The following SAMD3 variants were observed in gnomAD, a reference collection of about 807,000 sequenced individuals.
The protein encoded by SAMD3 is sterile alpha motif domain-containing protein 3.
A neutral mutation model predicts 58.5 loss-of-function variants in SAMD3; 63 were observed. The ratio of observed to expected loss-of-function variants is 1.08; its 90% CI spans 0.88 to 1.33. SAMD3 has a LOEUF of 1.33. Among genes scored for constraint, SAMD3 ranks in the 40% most tolerant of loss-of-function variants. The pLI is 0.00. For missense variants in SAMD3, 604 were observed against 608.4 expected, an observed-to-expected ratio of 0.99 and a Z score of 0.08; for synonymous variants, 220 against 210.3, an observed-to-expected ratio of 1.05 and a Z score of -0.40.
chr6:130,159,980 A>T (rs1456310053), intron 8 of SAMD3: 3 of 152,172 alleles, frequency 2.0e-5, no homozygotes, highest in Admixed American at 2.0e-4. Context: ...GTGGCATTGC[A>T]TGGGGGTGGG....
intron 5 of SAMD3, among the ~76,000 whole-genome samples, chr6:130,196,012 A>G (rs4897375): frequency 0.77 from 116,229 of 151,858 alleles, 44,902 homozygotes; most frequent in African/African-American, 0.85. Context: ...GAGACTGCCC[A>G]CAACCGAGCT....
chr6:130,324,464 A>AG (rs1776690059), intron 1 of SAMD3, among the ~76,000 whole-genome samples: 1 of 152,228 alleles, frequency 6.6e-6, no homozygotes, highest in African/African-American at 2.4e-5. Flanking sequence ...TGTAATATTA[A>AG]GGCATAATTA....
At chr6:130,332,137 C>T (rs979463740) in intron 1 of SAMD3, among the ~76,000 whole-genome samples, 1 of 152,116 alleles carries the variant, frequency 6.6e-6, no homozygotes, top group Non-Finnish European at 1.5e-5. Context: ...TTGTGGCATT[C>T]TTTGGAGTAG....
intron 7 of SAMD3, among the ~76,000 whole-genome samples, chr6:130,179,523 G>A (rs912911479): frequency 2.6e-4 from 39 of 150,844 alleles, no homozygotes; most frequent in African/African-American, 8.5e-4. Context: ...AATGTGGACC[G>A]TCTTACATGG....
chr6:130,147,816 GT>G (rs919843897), intron 9 of SAMD3, among the ~76,000 whole-genome samples: 1 of 152,164 alleles, frequency 6.6e-6, no homozygotes, highest in African/African-American at 2.4e-5. Flanking sequence ...CAACTTGTTA[GT>G]TTCCTTGACG....
chr6:130,343,744 C>A (rs1777348316), intron 1 of SAMD3, among the ~76,000 whole-genome samples: 1 of 152,176 alleles, frequency 6.6e-6, no homozygotes, highest in African/African-American at 2.4e-5. Context: ...TTGGGTGGAT[C>A]ACTTGAGGTC....
At chr6:130,304,926 C>CTTTTTTTT (rs777084920) in intron 2 of SAMD3, among the ~76,000 whole-genome samples, 1 of 103,376 alleles carries the variant, frequency 9.7e-6, no homozygotes, top group African/African-American at 4.0e-5. Context: ...CATTTTCTTC[C>CTTTTTTTT]TTTTTTTTTT....
chr6:130,322,860 G>A (rs768470284), intron 1 of SAMD3, among the ~76,000 whole-genome samples: 6 of 152,130 alleles, frequency 3.9e-5, no homozygotes, highest in African/African-American at 9.7e-5. Context: ...TGCTGCTATG[G>A]CCCACTAGGT....
Position 130,312,016 on chromosome 6 carries a change from C to T in SAMD3, c.-188+962G>A, listed in dbSNP as rs74712058. On this transcript the variant is annotated intron_variant, in intron 2 of 13. Transcript: ENST00000368134. ...ACTTGCCATACCTGAGGGGCTGAAA[C>T]CACAGATAGCAAAGAGGGGAGAAAC... Among the ~76,000 whole-genome samples, 171 of 152,194 alleles carry T rather than the reference C, an allele frequency of 1.1e-3. 1 individual carries two copies. In the East Asian group the frequency reaches 0.027, roughly 24 times the overall value.
intron 2 of SAMD3, among the ~76,000 whole-genome samples, chr6:130,270,246 C>A (rs982326730): frequency 6.6e-6 from 1 of 152,146 alleles, no homozygotes; most frequent in Non-Finnish European, 1.5e-5. Context: ...TGTGTGCCAC[C>A]AGGCCCTGGC....
intron 1 of SAMD3, among the ~76,000 whole-genome samples, chr6:130,219,436 T>C (rs942820795): frequency 3.9e-5 from 6 of 152,224 alleles, no homozygotes; most frequent in African/African-American, 1.4e-4. Context: ...CACACATCAC[T>C]GGAGCACACA....
intron 2 of SAMD3, among the ~76,000 whole-genome samples, chr6:130,252,635 G>T (rs1773777381): frequency 6.6e-6 from 1 of 152,156 alleles, no homozygotes; most frequent in Admixed American, 6.5e-5. Context: ...CACTAGCTAA[G>T]AAAACACAAG....
chr6:130,145,427 C>T lies in SAMD3; in HGVS notation c.1196-5G>A, dbSNP rs371025379. 1.0e-4 allele frequency: 165 copies of T among 1,600,394 alleles called. No homozygotes were observed. The highest frequency in any genetic ancestry group is 8.4e-4 in the Middle Eastern group (5 of 5,988). On this transcript the variant is annotated splice_polypyrimidine_tract_variant and splice_region_variant and intron_variant, in intron 10 of 11. Coordinates refer to ENST00000439090, the MANE Select transcript of SAMD3 (RefSeq NM_001017373.4). ...ATGTGGCTGTCATCTTCATGTCTGT[C>T]AAAGCAAATATGTTAACATGTGAAG... is the stretch of plus-strand genomic sequence containing the variant.
At chr6:130,306,242 C>T (rs990436662) in intron 2 of SAMD3, among the ~76,000 whole-genome samples, 1 of 152,036 alleles carries the variant, frequency 6.6e-6, no homozygotes, top group Non-Finnish European at 1.5e-5. Flanking sequence ...AAATTAATCA[C>T]TGTCTAAGCA....
intron 2 of SAMD3, among the ~76,000 whole-genome samples, chr6:130,262,116 C>T (rs1774162385): frequency 6.6e-6 from 1 of 151,918 alleles, no homozygotes; most frequent in Admixed American, 6.6e-5. Context: ...AATTTAAAAC[C>T]TGTAATTGAT....
At chr6:130,223,802 A>G (rs1367610885), upstream of SAMD3, among the ~76,000 whole-genome samples, 3 of 152,172 alleles carry the variant, frequency 2.0e-5, no homozygotes, top group African/African-American at 7.2e-5. Context: ...CCTAGGGTTG[A>G]GTGTTTACAG....
intron 7 of SAMD3, among the ~76,000 whole-genome samples, chr6:130,180,262 A>T (rs1180659173): frequency 6.8e-6 from 1 of 146,180 alleles, no homozygotes; most frequent in Admixed American, 7.0e-5. Context: ...CTGAGACTAC[A>T]GGCTCATGCC....
chr6:130,338,261 G>A (rs919166075), intron 1 of SAMD3, among the ~76,000 whole-genome samples: 22 of 152,248 alleles, frequency 1.4e-4, no homozygotes, highest in African/African-American at 5.1e-4. Context: ...ATGCACAGAA[G>A]TCAAGAAACG....
intron 2 of SAMD3, among the ~76,000 whole-genome samples, chr6:130,292,204 C>A (rs1775383669): frequency 6.6e-6 from 1 of 151,698 alleles, no homozygotes; most frequent in African/African-American, 2.4e-5. Context: ...TTTTGAACTT[C>A]AGTTTCATCA....
Sources: allele counts gnomAD v4.1 joint callset (sites outside exome capture counted in the v4.1 genomes callset), GRCh38; gene constraint gnomAD v4.1.1; transcripts MANE v1.5; gene names NCBI Gene and HGNC (gene_info 2026-07-23, HGNC 2026-07-21).